Variants in ATF7IP observed in about 807,000 individuals in gnomAD.
ATF7IP encodes the protein activating transcription factor 7 interacting protein.
In ATF7IP, 23 loss-of-function variants were observed where a neutral mutation model predicts 106.4. The observed-to-expected ratio is 0.22, with a 90% CI of 0.16 to 0.31. The LOEUF (loss-of-function observed/expected upper bound fraction) is 0.31. Among genes scored for constraint, ATF7IP ranks in the 10% least tolerant of loss-of-function variants. ATF7IP has a pLI of 1.00. For synonymous variants in ATF7IP, 542 were observed against 539.0 expected, an observed-to-expected ratio of 1.01 and a Z score of -0.08; for missense variants, 1,334 against 1,524.3, an observed-to-expected ratio of 0.88 and a Z score of 2.08.
At position 14,501,543 on chromosome 12, in the gene ATF7IP, A is replaced by G. The variant is rs368548098; in HGVS notation, c.*3470A>G. ...CTTTATGAGGTAACTATATCCTTCTATTTCTCTGGACTCATTTTTAAAAAA... is the reference window on the plus strand; with the variant it reads ...CTTTATGAGGTAACTATATCCTTCTGTTTCTCTGGACTCATTTTTAAAAAA... On this transcript the variant is annotated 3_prime_UTR_variant, in exon 15 of 15. Transcript: ENST00000261168. The G allele has an allele frequency of 1.3e-5, 2 of 152,084 alleles. No individual in the cohort carries two copies. Among genetic ancestry groups the G allele is most frequent in the African/African-American group, 2.4e-5 (1 of 41,394 alleles). 9.4% of individuals were successfully genotyped at this position (152,084 alleles called of 1,614,324 possible).
At chr12:14,475,992 A>C (rs1345109138) in intron 11 of ATF7IP, 24 bp downstream of exon 11, 1 of 1,582,026 alleles carries the variant, frequency 6.3e-7, no homozygotes, top group African/African-American at 1.3e-5. Flanking sequence ...AATTGTACTA[A>C]GCAACGTTTT....
chr12:14,436,722 T>A (rs1565510740), intron 4 of ATF7IP, among the ~76,000 whole-genome samples: 1 of 151,552 alleles, frequency 6.6e-6, no homozygotes, highest in Non-Finnish European at 1.5e-5. Context: ...AATAAATAAG[T>A]CTATTACTAT....
At chr12:14,393,658 A>G (rs1207501831) in intron 1 of ATF7IP, among the ~76,000 whole-genome samples, 1 of 152,112 alleles carries the variant, frequency 6.6e-6, no homozygotes, top group East Asian at 1.9e-4. Flanking sequence ...TGAAAATAAG[A>G]TTTAAAAATA....
intron 6 of ATF7IP, among the ~76,000 whole-genome samples, chr12:14,453,366 T>C (rs1943281537): frequency 6.6e-6 from 1 of 152,204 alleles, no homozygotes; most frequent in African/African-American, 2.4e-5. Flanking sequence ...TTTCTTAGCT[T>C]TTTTTCATTC....
intron 6 of ATF7IP, among the ~76,000 whole-genome samples, chr12:14,448,534 A>C (rs1358454049): frequency 6.6e-6 from 1 of 152,050 alleles, no homozygotes; most frequent in Non-Finnish European, 1.5e-5. Flanking sequence ...TTCTGGTTTT[A>C]TTTTTATTAT....
chr12:14,383,070 A>G (rs1939061755), intron 1 of ATF7IP, among the ~76,000 whole-genome samples: 1 of 151,922 alleles, frequency 6.6e-6, no homozygotes, highest in African/African-American at 2.4e-5. Context: ...AGACACAGAA[A>G]CAGAACCAAT....
At chr12:14,464,144 C>A (rs548304002) in intron 9 of ATF7IP, among the ~76,000 whole-genome samples, 7 of 152,256 alleles carry the variant, frequency 4.6e-5, no homozygotes, top group African/African-American at 1.7e-4. Flanking sequence ...AGACCCCCAT[C>A]TGTACAAAAA....
intron 14 of ATF7IP, among the ~76,000 whole-genome samples, chr12:14,496,857 C>G (rs1397567692): frequency 2.6e-5 from 4 of 152,110 alleles, no homozygotes; most frequent in Non-Finnish European, 5.9e-5. Flanking sequence ...CAGTGTTTGA[C>G]TGGTATGAAA....
At chr12:14,483,671 G>A (rs1591959074) in intron 13 of ATF7IP, among the ~76,000 whole-genome samples, 1 of 152,142 alleles carries the variant, frequency 6.6e-6, no homozygotes, top group Admixed American at 6.5e-5. Flanking sequence ...CCTGGCTATG[G>A]GAGAAACAGC....
chr12:14,473,286 C>G (rs1356458040), intron 10 of ATF7IP, among the ~76,000 whole-genome samples: 85 of 53,738 alleles, frequency 1.6e-3, no homozygotes, highest in Non-Finnish European at 1.8e-3. Context: ...CTCTCTCTCT[C>G]TCTCTGTGTG....
intron 1 of ATF7IP, among the ~76,000 whole-genome samples, chr12:14,397,763 T>G (rs1939934977): frequency 6.6e-6 from 1 of 152,164 alleles, no homozygotes; most frequent in African/African-American, 2.4e-5. Flanking sequence ...CTCATACAAC[T>G]TACTGTTCCA....
chr12:14,475,991 A>G (rs767125964), intron 11 of ATF7IP, 23 bp downstream of exon 11: 2 of 1,584,150 alleles, frequency 1.3e-6, no homozygotes, highest in South Asian at 2.2e-5. Context: ...TAATTGTACT[A>G]AGCAACGTTT....
chr12:14,465,803 C>A (rs970964007), intron 9 of ATF7IP, among the ~76,000 whole-genome samples: 2 of 151,864 alleles, frequency 1.3e-5, no homozygotes, highest in Non-Finnish European at 2.9e-5. Flanking sequence ...GAAAGGAATG[C>A]CATAGTTTGA....
intron 10 of ATF7IP, among the ~76,000 whole-genome samples, chr12:14,471,165 T>C (rs1944027442): frequency 6.6e-6 from 1 of 152,222 alleles, no homozygotes; most frequent in African/African-American, 2.4e-5. Flanking sequence ...TTTGTTACTT[T>C]TACACAAATT....
chr12:14,481,194 T>C lies in ATF7IP; in HGVS notation c.3280+9T>C, dbSNP rs1326420531. On this transcript the variant is annotated intron_variant, in intron 13 of 14. Coordinates refer to ENST00000261168, the MANE Select transcript of ATF7IP (RefSeq NM_018179.5). ...GGTCAATCCCCAAAATAGTAAGAGATTTTTCTTGTATATGGCCCCAAGATA... is the reference window on the plus strand; with the variant it reads ...GGTCAATCCCCAAAATAGTAAGAGACTTTTCTTGTATATGGCCCCAAGATA... 2 of 1,613,094 alleles carry C rather than the reference T, an allele frequency of 1.2e-6. No homozygotes were observed.
intron 1 of ATF7IP, among the ~76,000 whole-genome samples, chr12:14,388,629 G>A (rs972029192): frequency 1.3e-5 from 2 of 152,138 alleles, no homozygotes; most frequent in Admixed American, 1.3e-4. Context: ...TTATAGGCAT[G>A]AGCCACTGCG....
Position 14,498,077 on chromosome 12 carries a change from T to C in ATF7IP, c.*4T>C, listed in dbSNP as rs777807354. 13 of 1,554,996 alleles carry C rather than the reference T, an allele frequency of 8.4e-6. No individual in the cohort carries two copies. In the Admixed American group the frequency reaches 2.6e-4, roughly 31 times the overall value. ...CTCTTCTACCCAGAGCAGTTAAACC[T>C]TGGAGCCTTTATATTTTCCTCTTTT... On this transcript the variant is annotated 3_prime_UTR_variant, in exon 15 of 15. Coordinates refer to ENST00000261168, the MANE Select transcript of ATF7IP (RefSeq NM_018179.5).
chr12:14,415,255 G>A (rs1405756969), intron 1 of ATF7IP, among the ~76,000 whole-genome samples: 2 of 152,152 alleles, frequency 1.3e-5, no homozygotes, highest in African/African-American at 4.8e-5. Context: ...GTTGGATCAG[G>A]TCATTTAATT....
intron 1 of ATF7IP, among the ~76,000 whole-genome samples, chr12:14,368,442 G>T (rs6488679): frequency 0.54 from 82,433 of 151,836 alleles, 22,822 homozygotes; most frequent in African/African-American, 0.65. Flanking sequence ...TCTCTAAGAA[G>T]AATTTACTGT....
Sources: gnomAD v4.1 joint callset for allele counts (sites outside exome capture counted in the v4.1 genomes callset) on GRCh38, gnomAD v4.1.1 for gene constraint, MANE v1.5 for transcripts, NCBI Gene and HGNC (gene_info 2026-07-23, HGNC 2026-07-21) for gene names.